The following MECOM variants were observed in gnomAD, a reference collection of about 807,000 sequenced individuals.
The protein encoded by MECOM is histone-lysine N-methyltransferase MECOM.
Under a neutral mutation model 116.3 loss-of-function variants are expected in MECOM, and 13 were observed. The observed-to-expected ratio is 0.11, with a 90% confidence interval of 0.07 to 0.18. The LOEUF is 0.18. Among genes scored for constraint, MECOM ranks in the 10% least tolerant of loss-of-function variants. The pLI, the probability that MECOM is intolerant of heterozygous loss-of-function variation, is 1.00. For missense variants in MECOM, 1,299 were observed against 1,509.0 expected (o/e 0.86, Z 2.31); for synonymous variants, 528 against 535.2 (o/e 0.99, Z 0.19).
At chr3:169,442,471 A>G (rs1743895809) in intron 1 of MECOM, among the ~76,000 whole-genome samples, 1 of 152,234 alleles carries the variant, frequency 6.6e-6, no homozygotes, top group Non-Finnish European at 1.5e-5. Context: ...AGAGGTTGCT[A>G]GTAACAAGAT....
At chr3:169,463,309 A>G (rs1031822930) in intron 1 of MECOM, among the ~76,000 whole-genome samples, 13 of 152,016 alleles carry the variant, frequency 8.6e-5, no homozygotes, top group African/African-American at 2.9e-4. Flanking sequence ...AAACATAAAA[A>G]CTCCATCTGT....
At chr3:169,384,441 G>C (rs538955861) in intron 1 of MECOM, among the ~76,000 whole-genome samples, 2 of 152,032 alleles carry the variant, frequency 1.3e-5, no homozygotes, top group Non-Finnish European at 2.9e-5. Context: ...TAATTTTATC[G>C]TTCAGGGAGA....
Position 169,398,844 on chromosome 3 carries a change from G to A in MECOM, c.38-17320C>T, listed in dbSNP as rs549217534. On this transcript the variant is annotated intron_variant, in intron 1 of 16. Transcript: ENST00000651503. ...TTAGGTGCTCAGCAGAAAAAGCAGG[G>A]TGAAATGTATGTGCGGGTGGCTACT... 3.9e-5 allele frequency among the ~76,000 whole-genome samples: 6 copies of A among 152,256 alleles called. No homozygotes were observed. In the South Asian group the frequency reaches 6.2e-4, roughly 16 times the overall value.
At chr3:169,168,042 G>A (rs1456149375) in intron 2 of MECOM, among the ~76,000 whole-genome samples, 1 of 151,982 alleles carries the variant, frequency 6.6e-6, no homozygotes, top group Non-Finnish European at 1.5e-5. Context: ...TTAAAAAGAC[G>A]TGAAAACAAT....
At position 169,381,449 on chromosome 3, in the gene MECOM, G is replaced by A. The variant is rs1349174102; in HGVS notation, c.113C>T (p.Thr38Ile). 1.9e-6 allele frequency: 3 copies of A among 1,613,604 alleles called. No homozygotes were observed. In the African/African-American group the frequency reaches 4.0e-5, roughly 22 times the overall value. ...EMPDADGVAS[T>I]PSLNIQEPCS... ...TGGCTCTTGAATATTGAGGGAGGGA[G>A]TGCTGGCTACTCCATCTGCATCTGG... The change falls in exon 2 of 17, where the codon ACT (threonine) becomes ATT (isoleucine). Residue 38 changes from threonine to isoleucine, a missense_variant. By Grantham distance (89) the Thr-to-Ile change is moderately conservative. This residue lies in a region of MECOM where 374 missense variants were observed against 433.4 expected (regional missense o/e 0.86). Coordinates refer to ENST00000651503, the MANE Select transcript of MECOM (RefSeq NM_004991.4).
At position 169,472,655 on chromosome 3, in the gene MECOM, A is replaced by G. The variant is rs1454067854; in HGVS notation, c.38-91131T>C. ...AAGAAAAGGAAAGGAAAGGAAAAGA[A>G]AAGAAAGGAAAGGAAAGGAGAGGAG... On this transcript the variant is annotated intron_variant, in intron 1 of 16. Transcript: ENST00000651503. Among the ~76,000 whole-genome samples the G allele has an allele frequency of 3.1e-4, 22 of 71,368 alleles. 1 individual carries two copies. Among genetic ancestry groups the G allele is most frequent in the Admixed American group, 9.3e-4 (7 of 7,562 alleles). 46.8% of individuals were successfully genotyped at this position (71,368 alleles called of 152,430 possible). A position where few individuals can be genotyped will look rare whatever the true frequency, so the allele number is the denominator to read the frequency against.
chr3:169,536,260 C>G (rs183422768), intron 1 of MECOM, among the ~76,000 whole-genome samples: 1 of 151,598 alleles, frequency 6.6e-6, no homozygotes, highest in East Asian at 1.9e-4. Flanking sequence ...CTTTGATAAA[C>G]ACAGCAAAAT....
At chr3:169,651,750 C>T (rs1355685823) in intron 1 of MECOM, among the ~76,000 whole-genome samples, 2 of 151,664 alleles carry the variant, frequency 1.3e-5, no homozygotes, top group Non-Finnish European at 2.9e-5. Flanking sequence ...CTCATGTAAC[C>T]AAATATCACT....
At chr3:169,597,376 T>C (rs1351424971) in intron 1 of MECOM, among the ~76,000 whole-genome samples, 1 of 152,136 alleles carries the variant, frequency 6.6e-6, no homozygotes, top group African/African-American at 2.4e-5. Context: ...AAAAGAGTCT[T>C]TGTGCAACAA....
Position 169,323,093 on chromosome 3 carries a change from A to G in MECOM, c.375+58094T>C, listed in dbSNP as rs563247833. 3.1e-3 allele frequency among the ~76,000 whole-genome samples: 469 copies of G among 151,864 alleles called. 2 individuals are homozygous for G. Among genetic ancestry groups the G allele is most frequent in the African/African-American group, 0.011 (448 of 41,398 alleles). On this transcript the variant is annotated intron_variant, in intron 2 of 16. Transcript: ENST00000651503. ...AAAAAAAGAAATGGTTTTCCAGGGAAAACATGTAATATCCTGGGACCAATC... is the reference window on the plus strand; with the variant it reads ...AAAAAAAGAAATGGTTTTCCAGGGAGAACATGTAATATCCTGGGACCAATC...
intron 1 of MECOM, among the ~76,000 whole-genome samples, chr3:169,641,375 G>A (rs1773469767): frequency 6.6e-6 from 1 of 152,144 alleles, no homozygotes; most frequent in South Asian, 2.1e-4. Context: ...GCGCTTCTGT[G>A]ACTTTAACCC....
chr3:169,420,625 G>C (rs558110111), intron 1 of MECOM, among the ~76,000 whole-genome samples: 6 of 152,208 alleles, frequency 3.9e-5, no homozygotes, highest in Admixed American at 2.6e-4. Flanking sequence ...AGTGAAAAGG[G>C]AGAAGAGAGC....
chr3:169,208,766 C>T (rs1343674992), intron 2 of MECOM, among the ~76,000 whole-genome samples: 2 of 151,916 alleles, frequency 1.3e-5, no homozygotes, highest in African/African-American at 4.8e-5. Context: ...GCCATACTGC[C>T]CAAAGTAATT....
At chr3:169,305,991 T>C (rs1167938667) in intron 2 of MECOM, among the ~76,000 whole-genome samples, 1 of 152,214 alleles carries the variant, frequency 6.6e-6, no homozygotes, top group Non-Finnish European at 1.5e-5. Context: ...CAATATTCTC[T>C]AGTTTGGTTA....
At chr3:169,495,186 T>C (rs1006564373) in intron 1 of MECOM, among the ~76,000 whole-genome samples, 3 of 152,202 alleles carry the variant, frequency 2.0e-5, no homozygotes, top group Admixed American at 6.5e-5. Context: ...CCCTGGACCC[T>C]ATCCAAGTTC....
At chr3:169,456,665 A>G (rs945822521) in intron 1 of MECOM, among the ~76,000 whole-genome samples, 5 of 152,084 alleles carry the variant, frequency 3.3e-5, no homozygotes, top group African/African-American at 1.2e-4. Flanking sequence ...CCACGATTCA[A>G]ATTCCCTGTC....
intron 2 of MECOM, among the ~76,000 whole-genome samples, chr3:169,191,721 AAAGAAAGAAAGAAAGAAAGAG>A (rs1577304664): frequency 1.7e-5 from 1 of 58,216 alleles, no homozygotes; most frequent in East Asian, 7.5e-4. Flanking sequence ...AGAAAGAAAA[AAAGAAAGAAAGAAAGAAAGAG>A]AAAGAAAGAA....
intron 1 of MECOM, among the ~76,000 whole-genome samples, chr3:169,402,296 G>A (rs187144401): frequency 2.0e-5 from 3 of 152,226 alleles, no homozygotes; most frequent in East Asian, 1.9e-4. Context: ...ACTGAACAAC[G>A]AAGTGATTAG....
intron 2 of MECOM, among the ~76,000 whole-genome samples, chr3:169,191,740 G>GAAAGAAAGAAAGAAAGAAAGAA (rs760490760): frequency 2.3e-4 from 15 of 64,248 alleles, no homozygotes; most frequent in Non-Finnish European, 4.3e-4. Flanking sequence ...AAGAAAGAAA[G>GAAAGAAAGAAAGAAAGAAAGAA]AGAAAGAAAG....
Sources: allele counts gnomAD v4.1 joint callset (sites outside exome capture counted in the v4.1 genomes callset), GRCh38; gene constraint gnomAD v4.1.1; regional missense constraint gnomAD v4.1.1; transcripts MANE v1.5; gene names NCBI Gene and HGNC (gene_info 2026-07-23, HGNC 2026-07-21).